Variants in MIGA1 observed in about 807,000 individuals in gnomAD.
MIGA1 encodes the protein mitoguardin 1, also known as family with sequence similarity 73, member A.
MIGA1 carries 58 observed loss-of-function variants against 82.0 expected under a neutral mutation model. That is an observed-to-expected ratio of 0.71 (90% confidence interval 0.57 to 0.88). The LOEUF is 0.88. MIGA1 is among the 40% of genes least tolerant of loss of function. MIGA1 has a pLI of 0.00. For synonymous variants in MIGA1, 249 were observed against 253.6 expected, an observed-to-expected ratio of 0.98 and a Z score of 0.17; for missense variants, 751 against 749.1, an observed-to-expected ratio of 1.00 and a Z score of -0.03.
intron 2 of MIGA1, among the ~76,000 whole-genome samples, chr1:77,790,362 G>T (rs963089651): frequency 3.3e-5 from 5 of 152,162 alleles, no homozygotes; most frequent in African/African-American, 4.8e-5. Flanking sequence ...CGCCTCCCGG[G>T]TTCAAGTGAT....
chr1:77,817,446 C>T (rs1222005858), intron 7 of MIGA1, among the ~76,000 whole-genome samples: 1 of 152,182 alleles, frequency 6.6e-6, no homozygotes, highest in Non-Finnish European at 1.5e-5. Flanking sequence ...TTCCTGACCC[C>T]ACTCATGTTT....
chr1:77,831,230 C>T (rs1349856647), intron 7 of MIGA1, among the ~76,000 whole-genome samples: 1 of 152,126 alleles, frequency 6.6e-6, no homozygotes, highest in Admixed American at 6.5e-5. Flanking sequence ...ATCTGAATAT[C>T]TATGAAATTT....
chr1:77,841,063 A>C (rs1465332597), intron 7 of MIGA1, among the ~76,000 whole-genome samples: 2 of 152,152 alleles, frequency 1.3e-5, no homozygotes, highest in African/African-American at 4.8e-5. Context: ...AGTGTCCCAA[A>C]ATACCAGTTT....
intron 8 of MIGA1, among the ~76,000 whole-genome samples, chr1:77,850,028 C>G (rs1347804231): frequency 1.4e-5 from 2 of 144,410 alleles, no homozygotes; most frequent in Non-Finnish European, 3.0e-5. Context: ...GAGTGAGACT[C>G]TCTCTCAAAA....
At chr1:77,785,527 G>C (rs1405536226) in intron 2 of MIGA1, among the ~76,000 whole-genome samples, 1 of 152,152 alleles carries the variant, frequency 6.6e-6, no homozygotes, top group Non-Finnish European at 1.5e-5. Flanking sequence ...ATTTTTAGTA[G>C]AGATGGGGTT....
chr1:77,850,362 G>T lies in MIGA1; in HGVS notation c.996+6955G>T, dbSNP rs115258420. On this transcript the variant is annotated intron_variant, in intron 8 of 15. Transcript: ENST00000370791. ...GTGGGTTGGGATGTGAGTAACCAGG[G>T]TGAGAGAATCATTGAAGACCCAATT... Among the ~76,000 whole-genome samples the T allele has an allele frequency of 2.7e-3, 408 of 152,300 alleles. 8 individuals carry two copies. Among genetic ancestry groups the T allele is most frequent in the South Asian group, 1.4e-3 (7 of 4,830 alleles).
chr1:77,791,797 C>T (rs1194043540), intron 2 of MIGA1, among the ~76,000 whole-genome samples: 1 of 152,062 alleles, frequency 6.6e-6, no homozygotes, highest in Non-Finnish European at 1.5e-5. Flanking sequence ...CTCCTGACCT[C>T]AAGTGATCTA....
At position 77,879,400 on chromosome 1, in the gene MIGA1, C is replaced by A. The variant is rs1646918815; in HGVS notation, c.*4336C>A. 6.6e-6 allele frequency: 1 copy of A among 152,054 alleles called. No homozygotes were observed. The highest frequency in any genetic ancestry group is 2.4e-5 in the African/African-American group (1 of 41,388). 9.4% of individuals were successfully genotyped at this position (152,054 alleles called of 1,614,324 possible). A position where few individuals can be genotyped will look rare whatever the true frequency, so the allele number is the denominator to read the frequency against. Reference sequence around the variant, plus strand: ...TGATGTCAGTAAATGTTTCTGTCTCCTAAATGTAAGGACTGTACTCATTAA... The same window carrying A: ...TGATGTCAGTAAATGTTTCTGTCTCATAAATGTAAGGACTGTACTCATTAA... On this transcript the variant is annotated 3_prime_UTR_variant, in exon 16 of 16. Coordinates refer to ENST00000370791, the MANE Select transcript of MIGA1 (RefSeq NM_198549.4).
chr1:77,813,415 A>G lies in MIGA1; in HGVS notation c.638-319A>G, dbSNP rs116584054. On this transcript the variant is annotated intron_variant, in intron 5 of 15. Transcript: ENST00000370791. ...TTGAAACATAGTTGTGTGGCTATAA[A>G]AAATAGCTATTACTGTGGAACTTCT... Among the ~76,000 whole-genome samples, 608 of 152,338 alleles carry G rather than the reference A, an allele frequency of 4.0e-3. 5 individuals carry two copies. The highest frequency in any genetic ancestry group is 0.014 in the African/African-American group (566 of 41,572).
Position 77,878,627 on chromosome 1 carries a change from T to C in MIGA1, c.*3563T>C, listed in dbSNP as rs1646913085. ...CAATTAAGTCACTCCTGAGAAAATA[T>C]CCTTTTTTCTAGAAGAAAGAAGATA... On this transcript the variant is annotated 3_prime_UTR_variant, in exon 16 of 16. Transcript: ENST00000370791. 2.6e-5 allele frequency: 8 copies of C among 311,790 alleles called. No individual in the cohort carries two copies. In the East Asian group the frequency reaches 3.6e-4, roughly 14 times the overall value. 19.3% of individuals were successfully genotyped at this position (311,790 alleles called of 1,614,324 possible).
chr1:77,795,033 G>A (rs759341210), intron 2 of MIGA1, among the ~76,000 whole-genome samples: 3 of 151,562 alleles, frequency 2.0e-5, no homozygotes, highest in East Asian at 1.9e-4. Flanking sequence ...GCGTGATCTC[G>A]GCTCACTGCA....
At position 77,869,259 on chromosome 1, in the gene MIGA1, A is replaced by G. The variant is rs563202463; in HGVS notation, c.1563+2868A>G. ...TGTTTCAGAGAGCACAGGGTTGGGG[A>G]TAAGGTCACAGATCAACAGGATCCC... On this transcript the variant is annotated intron_variant, in intron 14 of 15. Coordinates refer to ENST00000370791, the MANE Select transcript of MIGA1 (RefSeq NM_198549.4). 8.9e-4 allele frequency among the ~76,000 whole-genome samples: 121 copies of G among 136,156 alleles called. 1 individual carries two copies. The highest frequency in any genetic ancestry group is 2.9e-3 in the African/African-American group (104 of 35,974). The allele number at this position is 136,156 out of a possible 152,430, so 89.3% of individuals were successfully genotyped here.
At chr1:77,790,785 AC>A (rs1682383739) in intron 2 of MIGA1, among the ~76,000 whole-genome samples, 1 of 149,640 alleles carries the variant, frequency 6.7e-6, no homozygotes, top group African/African-American at 2.5e-5. Flanking sequence ...ATGGGGTTTC[AC>A]CATGTTGGCC....
chr1:77,829,579 G>A (rs749296132), intron 7 of MIGA1, among the ~76,000 whole-genome samples: 4 of 151,990 alleles, frequency 2.6e-5, no homozygotes, highest in Non-Finnish European at 4.4e-5. Flanking sequence ...AGTGATTCTC[G>A]TGCCTCAGCT....
rs1479756015 is a variant in MIGA1, at chr1:77,807,110, G to A, written c.637+9G>A. The stretch of plus-strand genomic sequence containing the variant: ...GAACTTATACTTAATGGGTAGGAAT[G>A]AGATGATAACATTTTAAGATACTGT... On this transcript the variant is annotated intron_variant, in intron 5 of 15. Coordinates refer to ENST00000370791, the MANE Select transcript of MIGA1 (RefSeq NM_198549.4). 3 of 1,562,448 alleles carry A rather than the reference G, an allele frequency of 1.9e-6. No individual in the cohort carries two copies. The South Asian group carries it at 3.5e-5, about 18-fold the overall frequency.
chr1:77,873,635 G>A (rs1413664750), intron 15 of MIGA1, among the ~76,000 whole-genome samples: 1 of 152,170 alleles, frequency 6.6e-6, no homozygotes, highest in Non-Finnish European at 1.5e-5. Flanking sequence ...CAAAATACAA[G>A]TTATAGCTCC....
chr1:77,811,674 C>A (rs1390723784), intron 5 of MIGA1: 1 of 1,611,934 alleles, frequency 6.2e-7, no homozygotes, highest in African/African-American at 1.3e-5. Context: ...TTGCTAATAT[C>A]TGATACTCGT....
chr1:77,854,519 C>A (rs894659117), intron 8 of MIGA1, among the ~76,000 whole-genome samples: 1 of 152,222 alleles, frequency 6.6e-6, no homozygotes, highest in Admixed American at 6.5e-5. Context: ...TTCCCACCAG[C>A]AGTGTAGAAG....
At chr1:77,811,775 C>A (rs905954605) in intron 5 of MIGA1, 16 of 1,581,282 alleles carry the variant, frequency 1.0e-5, no homozygotes, top group Admixed American at 1.8e-5. Flanking sequence ...CGGGTCACCT[C>A]CGACATGGCC....
Sources: allele counts gnomAD v4.1 joint callset (sites outside exome capture counted in the v4.1 genomes callset), GRCh38; gene constraint gnomAD v4.1.1; transcripts MANE v1.5; gene names NCBI Gene and HGNC (gene_info 2026-07-23, HGNC 2026-07-21).